LTBP1: variants seen among roughly 807,000 people sequenced by gnomAD.
The protein encoded by LTBP1 is latent transforming growth factor beta binding protein 1.
In LTBP1, 129 loss-of-function variants were observed where a neutral mutation model predicts 207.6. The ratio of observed to expected loss-of-function variants is 0.62; its 90% CI spans 0.54 to 0.72. The LOEUF (loss-of-function observed/expected upper bound fraction) is 0.72, where lower values mean the gene tolerates loss of function less well. LTBP1 is among the 30% of genes least tolerant of loss of function. The probability of loss-of-function intolerance (pLI) is 0.00; values close to 1 mark genes in which losing one functional copy is unlikely to be tolerated. For missense variants in LTBP1, 2,281 were observed against 2,217.2 expected (o/e 1.03, Z -0.58); for synonymous variants, 963 against 833.7 (o/e 1.16, Z -2.67).
rs536855715 is a variant in LTBP1 at position 33,319,751 on chromosome 2, A to G, written c.3730+4482A>G. Among the ~76,000 whole-genome samples, 66 of 152,246 alleles carry G rather than the reference A, an allele frequency of 4.3e-4. 1 individual carries two copies. The highest frequency in any genetic ancestry group is 1.6e-3 in the African/African-American group (65 of 41,530). On this transcript the variant is annotated intron_variant, in intron 24 of 33. Coordinates refer to ENST00000404816, the MANE Select transcript of LTBP1 (RefSeq NM_206943.4). ...ATCCTGTTCACATGATACAGCGGCC[A>G]TGTTCATCTAGCAGGGACCCCAAGG...
At chr2:32,998,538 A>G (rs909939323) in intron 2 of LTBP1, among the ~76,000 whole-genome samples, 1 of 148,068 alleles carries the variant, frequency 6.8e-6, no homozygotes, top group Non-Finnish European at 1.5e-5. Context: ...AAAAAAAAAA[A>G]AAAAAAAAGG....
chr2:33,007,412 G>A (rs1687077215), intron 2 of LTBP1, among the ~76,000 whole-genome samples: 1 of 152,100 alleles, frequency 6.6e-6, no homozygotes, highest in African/African-American at 2.4e-5. Flanking sequence ...TAAATCAAAT[G>A]GTAATTTTAA....
At chr2:33,341,356 C>T (rs932890159) in intron 24 of LTBP1, among the ~76,000 whole-genome samples, 1 of 152,044 alleles carries the variant, frequency 6.6e-6, no homozygotes, top group South Asian at 2.1e-4. Context: ...GAGCCCCACC[C>T]AGAAAGGAGA....
intron 32 of LTBP1, among the ~76,000 whole-genome samples, chr2:33,396,383 G>T (rs554282218): frequency 1.3e-5 from 2 of 152,182 alleles, no homozygotes; most frequent in East Asian, 3.9e-4. Context: ...ACCACGCCCG[G>T]CTAATTTTCT....
chr2:33,346,880 G>A (rs1313170455), intron 25 of LTBP1, among the ~76,000 whole-genome samples: 6 of 152,084 alleles, frequency 3.9e-5, no homozygotes, highest in Non-Finnish European at 8.8e-5. Context: ...ACTTTTGGAG[G>A]CCGAGGTGGG....
intron 9 of LTBP1, among the ~76,000 whole-genome samples, chr2:33,242,044 A>G (rs1388091876): frequency 6.6e-6 from 1 of 152,238 alleles, no homozygotes; most frequent in African/African-American, 2.4e-5. Flanking sequence ...GCAAATATGC[A>G]TTAACTTATC....
chr2:33,062,673 A>G lies in LTBP1; in HGVS notation c.863+41467A>G, dbSNP rs79801804. On this transcript the variant is annotated intron_variant, in intron 3 of 33. Coordinates refer to ENST00000404816, the MANE Select transcript of LTBP1 (RefSeq NM_206943.4). The stretch of plus-strand genomic sequence containing the variant: ...TTGATCTGTTGTTGATCCTTATGCT[A>G]GTACAGTAATCGCCTCTTTATCCAT... Among the ~76,000 whole-genome samples the G allele has an allele frequency of 7.9e-4, 121 of 152,346 alleles. 1 individual carries two copies. In the East Asian group the frequency reaches 0.021, roughly 27 times the overall value.
intron 19 of LTBP1, among the ~76,000 whole-genome samples, chr2:33,280,484 A>C (rs182197060): frequency 2.6e-5 from 4 of 152,174 alleles, no homozygotes; most frequent in African/African-American, 4.8e-5. Flanking sequence ...AAGAGAGAAG[A>C]AGCATCTACC....
chr2:33,021,561 A>G (rs2149226058), intron 3 of LTBP1, among the ~76,000 whole-genome samples: 1 of 152,298 alleles, frequency 6.6e-6, no homozygotes, highest in East Asian at 1.9e-4. Context: ...GAGTTTTGAA[A>G]TAATAATTTA....
chr2:32,986,792 C>T (rs535314185), intron 2 of LTBP1, among the ~76,000 whole-genome samples: 1 of 152,208 alleles, frequency 6.6e-6, no homozygotes, highest in African/African-American at 2.4e-5. Context: ...CAAAATGACA[C>T]CAACAACTCC....
At position 33,073,887 on chromosome 2, in the gene LTBP1, G is replaced by A. The variant is rs191313092; in HGVS notation, c.864-36695G>A. Among the ~76,000 whole-genome samples, 547 of 152,230 alleles carry A rather than the reference G, an allele frequency of 3.6e-3. 2 individuals are homozygous for A. The highest frequency in any genetic ancestry group is 6.8e-3 in the Middle Eastern group (2 of 294). ...GGTAACCCACCCGCCTCGGCCTCCC[G>A]AAGTGCTGGGATTGCAGGTGTGAGC... On this transcript the variant is annotated intron_variant, in intron 3 of 33. Transcript: ENST00000404816.
At chr2:33,116,628 C>T (rs1489562396) in intron 4 of LTBP1, among the ~76,000 whole-genome samples, 1 of 151,438 alleles carries the variant, frequency 6.6e-6, no homozygotes, top group Non-Finnish European at 1.5e-5. Context: ...TCAGGAAAGG[C>T]AGATGTCATG....
chr2:33,180,303 A>G (rs892286551), intron 5 of LTBP1, among the ~76,000 whole-genome samples: 1 of 152,164 alleles, frequency 6.6e-6, no homozygotes, highest in Admixed American at 6.5e-5. Context: ...TTTCTTGGTC[A>G]TGTGTAGGAC....
At chr2:33,172,822 A>G (rs1429989430) in intron 5 of LTBP1, among the ~76,000 whole-genome samples, 1 of 152,222 alleles carries the variant, frequency 6.6e-6, no homozygotes, top group Non-Finnish European at 1.5e-5. Context: ...CCACAGTGCA[A>G]TCAAACTAGA....
chr2:33,369,182 T>C (rs1187102426), intron 31 of LTBP1, among the ~76,000 whole-genome samples: 1 of 152,010 alleles, frequency 6.6e-6, no homozygotes, highest in African/African-American at 2.4e-5. Context: ...GGAAAAAAGA[T>C]AACACATGCC....
chr2:33,213,666 C>A (rs1270917043), intron 7 of LTBP1, among the ~76,000 whole-genome samples: 1 of 152,204 alleles, frequency 6.6e-6, no homozygotes, highest in East Asian at 1.9e-4. Context: ...CCACAGAGAT[C>A]TCTCAGATGG....
chr2:33,289,796 T>C (rs2093738124), intron 19 of LTBP1, among the ~76,000 whole-genome samples: 1 of 152,166 alleles, frequency 6.6e-6, no homozygotes, highest in South Asian at 2.1e-4. Context: ...TAAGACCATA[T>C]CTTAGAGTAA....
In LTBP1 at chr2:33,202,022, A is replaced by AACACACACACACACACACAC. The variant is rs10558832; in HGVS notation, c.1701+13191_1701+13210dup. ...CCTAAGCTCTAAAGCTTAGCACTGG[A>AACACACACACACACACACAC]ACACACACACACACACACACACACA... On this transcript the variant is annotated intron_variant, in intron 7 of 33. Transcript: ENST00000404816. 5.2e-3 allele frequency among the ~76,000 whole-genome samples: 734 copies of AACACACACACACACACACAC among 140,626 alleles called. 9 individuals carry two copies. Among genetic ancestry groups the AACACACACACACACACACAC allele is most frequent in the East Asian group, 0.021 (99 of 4,606 alleles). The allele number at this position is 140,626 out of a possible 152,430, so 92.3% of individuals were successfully genotyped here.
chr2:33,289,703 A>G (rs1278773966), intron 19 of LTBP1, among the ~76,000 whole-genome samples: 1 of 152,082 alleles, frequency 6.6e-6, no homozygotes, highest in Non-Finnish European at 1.5e-5. Flanking sequence ...TTTTTATTAT[A>G]TTTCCTAACA....
Sources: gnomAD v4.1 joint callset for allele counts (sites outside exome capture counted in the v4.1 genomes callset) on GRCh38, gnomAD v4.1.1 for gene constraint, MANE v1.5 for transcripts, NCBI Gene and HGNC (gene_info 2026-07-23, HGNC 2026-07-21) for gene names.